Variants in PPFIA1 observed in about 807,000 individuals in gnomAD.
The protein encoded by PPFIA1 is PPFI scaffold protein A1, also known as liprin-alpha-1.
PPFIA1 carries 25 observed loss-of-function variants against 149.9 expected under a neutral mutation model. That is an observed-to-expected ratio of 0.17 (90% CI 0.12 to 0.23). The LOEUF (loss-of-function observed/expected upper bound fraction) is 0.23. Among genes scored for constraint, PPFIA1 ranks in the 10% least tolerant of loss-of-function variants. The pLI is 1.00. For synonymous variants in PPFIA1, 549 were observed against 552.8 expected (o/e 0.99, Z 0.10); for missense variants, 1,362 against 1,506.5 (o/e 0.90, Z 1.59).
At chr11:70,303,643 G>A (rs559506221) in intron 2 of PPFIA1, among the ~76,000 whole-genome samples, 3 of 152,308 alleles carry the variant, frequency 2.0e-5, no homozygotes, top group Admixed American at 1.3e-4. Flanking sequence ...CTGGAGTACT[G>A]AGAGTGTCCT....
chr11:70,287,298 T>C (rs1403935559), intron 2 of PPFIA1, among the ~76,000 whole-genome samples: 2 of 152,288 alleles, frequency 1.3e-5, no homozygotes, highest in East Asian at 3.9e-4. Flanking sequence ...AGTTCCTCAC[T>C]TGCAGACTCC....
chr11:70,339,021 T>G, intron 13 of PPFIA1, 150 bp from the exon 14 acceptor site: 1 of 877,260 alleles, frequency 1.1e-6, no homozygotes, highest in Non-Finnish European at 1.7e-6. Flanking sequence ...AGGCAACATG[T>G]AGCTCTTGGG....
intron 2 of PPFIA1, among the ~76,000 whole-genome samples, chr11:70,278,111 A>G (rs1454307137): frequency 6.6e-6 from 1 of 151,470 alleles, no homozygotes; most frequent in Non-Finnish European, 1.5e-5. Flanking sequence ...GTGTTTCACC[A>G]TGTTGGCCAG....
chr11:70,358,262 C>T (rs548072673), intron 19 of PPFIA1: 1 of 152,308 alleles, frequency 6.6e-6, no homozygotes, highest in African/African-American at 2.4e-5. Flanking sequence ...CACTCTGTCG[C>T]CCAGGCTGGA....
At chr11:70,274,077 C>T (rs1442097137) in intron 2 of PPFIA1, among the ~76,000 whole-genome samples, 4 of 152,112 alleles carry the variant, frequency 2.6e-5, no homozygotes, top group Non-Finnish European at 5.9e-5. Context: ...ATGATGATGC[C>T]AACGGTTCAC....
At chr11:70,296,742 GGAGA>G (rs1565359277) in intron 2 of PPFIA1, among the ~76,000 whole-genome samples, 1 of 110,562 alleles carries the variant, frequency 9.0e-6, no homozygotes, top group South Asian at 3.1e-4. Flanking sequence ...AGAGGGAGAG[GGAGA>G]GAGGGAGGGA....
intron 2 of PPFIA1, among the ~76,000 whole-genome samples, chr11:70,315,312 T>G (rs1341383029): frequency 1.3e-5 from 2 of 152,216 alleles, no homozygotes; most frequent in African/African-American, 2.4e-5. Context: ...TATAAAAATG[T>G]GAAGTTTGTG....
At chr11:70,308,455 A>G (rs1410979356) in intron 2 of PPFIA1, among the ~76,000 whole-genome samples, 1 of 152,238 alleles carries the variant, frequency 6.6e-6, no homozygotes, top group East Asian at 1.9e-4. Flanking sequence ...TCTATTAAAT[A>G]TTTGAAATTG....
intron 2 of PPFIA1, among the ~76,000 whole-genome samples, chr11:70,309,247 G>A (rs988508900): frequency 1.3e-5 from 2 of 151,810 alleles, no homozygotes; most frequent in Admixed American, 6.6e-5. Context: ...TCTGCCGACC[G>A]CAACCTCCGC....
At chr11:70,344,529 G>T (rs541204890) in intron 15 of PPFIA1, among the ~76,000 whole-genome samples, 6 of 152,220 alleles carry the variant, frequency 3.9e-5, no homozygotes, top group African/African-American at 1.4e-4. Flanking sequence ...TGAAAGGAGC[G>T]CGTTGCTATC....
intron 2 of PPFIA1, among the ~76,000 whole-genome samples, chr11:70,299,003 C>A (rs1318901123): frequency 6.6e-6 from 1 of 152,146 alleles, no homozygotes; most frequent in Non-Finnish European, 1.5e-5. Context: ...CTTTGGGAGG[C>A]TGAGGCAGGC....
At chr11:70,279,191 G>T (rs943657853) in intron 2 of PPFIA1, 6 of 430,374 alleles carry the variant, frequency 1.4e-5, no homozygotes, top group African/African-American at 1.3e-4. Context: ...TAGATTTCAG[G>T]TGTCAGTGAA....
At chr11:70,349,926 T>C (rs1388828818) in intron 16 of PPFIA1, 2 of 455,786 alleles carry the variant, frequency 4.4e-6, no homozygotes, top group Admixed American at 2.4e-5. Context: ...ATTTTAGCCA[T>C]CTCCAGATTC....
chr11:70,305,189 C>T (rs2052766840), intron 2 of PPFIA1, among the ~76,000 whole-genome samples: 1 of 152,034 alleles, frequency 6.6e-6, no homozygotes, highest in African/African-American at 2.4e-5. Context: ...CCAAATGGCT[C>T]ACCAAAAGCT....
chr11:70,338,283 G>GAT, intron 12 of PPFIA1, 91 bp from the exon 13 acceptor site: 1 of 1,035,512 alleles, frequency 9.7e-7, no homozygotes, highest in Non-Finnish European at 1.5e-6. Context: ...TAACCTGTTA[G>GAT]GGTTATGCCC....
chr11:70,360,363 T>C (rs1004692360), intron 19 of PPFIA1, among the ~76,000 whole-genome samples: 1 of 152,268 alleles, frequency 6.6e-6, no homozygotes, highest in African/African-American at 2.4e-5. Context: ...ATCTATTACA[T>C]GTTAAAAAAC....
chr11:70,287,972 C>T (rs1029014594), intron 2 of PPFIA1, among the ~76,000 whole-genome samples: 3 of 151,628 alleles, frequency 2.0e-5, no homozygotes, highest in African/African-American at 2.4e-5. Context: ...TAAATTCAGG[C>T]GTTTATAAGA....
At chr11:70,309,447 G>A (rs1046000609) in intron 2 of PPFIA1, among the ~76,000 whole-genome samples, 2 of 152,120 alleles carry the variant, frequency 1.3e-5, no homozygotes, top group Non-Finnish European at 2.9e-5. Context: ...GGGTTTACAG[G>A]CATGAGCCAC....
rs751231282 is a variant in PPFIA1, at chr11:70,272,306, A to C, written c.134A>C (p.Glu45Ala). 1 of 1,614,194 alleles carries C rather than the reference A, an allele frequency of 6.2e-7. No individual in the cohort carries two copies. The highest frequency in any genetic ancestry group is 1.1e-5 in the South Asian group (1 of 91,090). ...HFEQLMVSML[E>A]ERDRLLDTLR... is the part of the protein sequence containing the mutation. ...GAACAGTTGATGGTCTCCATGCTAG[A>C]AGAAAGGGACCGCCTTCTTGATACA... The change falls in exon 2 of 28, where the codon GAA becomes GCA. Residue 45 changes from glutamate (E) to alanine (A), a missense_variant. This residue lies in a region of PPFIA1 where 100 missense variants were observed against 106.2 expected (regional missense o/e 0.94). Transcript: ENST00000253925.
Sources: allele counts gnomAD v4.1 joint callset (sites outside exome capture counted in the v4.1 genomes callset), GRCh38; gene constraint gnomAD v4.1.1; regional missense constraint gnomAD v4.1.1; transcripts MANE v1.5; gene names NCBI Gene and HGNC (gene_info 2026-07-23, HGNC 2026-07-21).